The following XPR1 variants were observed in gnomAD, a reference collection of about 807,000 sequenced individuals.
The protein encoded by XPR1 is xenotropic and polytropic retrovirus receptor 1.
Under a neutral mutation model 87.5 loss-of-function variants are expected in XPR1, and 28 were observed. The ratio of observed to expected loss-of-function variants is 0.32; its 90% CI spans 0.24 to 0.44. XPR1 has a LOEUF of 0.44. XPR1 is among the 20% of genes least tolerant of loss of function. XPR1 has a pLI of 1.00. For synonymous variants in XPR1, 300 were observed against 306.1 expected (o/e 0.98, Z 0.21); for missense variants, 559 against 862.3 (o/e 0.65, Z 4.41).
intron 1 of XPR1, among the ~76,000 whole-genome samples, chr1:180,656,699 T>TTA (rs559625989): frequency 6.8e-4 from 89 of 131,056 alleles, no homozygotes; most frequent in South Asian, 2.0e-3. Flanking sequence ...TATATGTATT[T>TTA]TATATATATA....
At chr1:180,682,819 T>TGTGTGTGTGTGTGC (rs1333082592) in intron 2 of XPR1, among the ~76,000 whole-genome samples, 5 of 151,198 alleles carry the variant, frequency 3.3e-5, no homozygotes, top group African/African-American at 1.2e-4. Context: ...TTACAATGGA[T>TGTGTGTGTGTGTGC]GTGTGTGTGT....
chr1:180,854,086 G>C (rs185077955), intron 11 of XPR1, among the ~76,000 whole-genome samples: 1 of 152,164 alleles, frequency 6.6e-6, no homozygotes, highest in Non-Finnish European at 1.5e-5. Flanking sequence ...AAGTTTAATA[G>C]GGGTTTTGCT....
chr1:180,880,192 T>C lies in XPR1; in HGVS notation c.1925T>C (p.Leu642Pro). The change falls in exon 14 of 15, where the codon CTA becomes CCA. Residue 642 changes from leucine (L) to proline (P), a missense_variant. Physicochemically the swap from Leu to Pro is moderately conservative, Grantham distance 98 (BLOSUM62 -3). Around this residue, in one of 7 missense-constraint regions of XPR1, gnomAD observed 80 missense variants for 99.5 expected, o/e 0.80. Coordinates refer to ENST00000367590, the MANE Select transcript of XPR1 (RefSeq NM_004736.4). ...CTGAACGCAGATGATCAGACTCTCC[T>C]AGAACAGATGATGGACCAGGATGAT... ...APLNADDQTL[L>P]EQMMDQDDGV... 6.2e-7 allele frequency: 1 copy of C among 1,614,170 alleles called. No homozygotes were observed. Among genetic ancestry groups the C allele is most frequent in the East Asian group, 2.2e-5 (1 of 44,880 alleles).
At chr1:180,832,697 G>T (rs192546229) in intron 9 of XPR1, among the ~76,000 whole-genome samples, 113 of 152,228 alleles carry the variant, frequency 7.4e-4, no homozygotes, top group African/African-American at 2.6e-3. Flanking sequence ...TCAAATGGTT[G>T]TGGACGGTGT....
At chr1:180,668,168 G>T (rs2101927088) in intron 1 of XPR1, among the ~76,000 whole-genome samples, 1 of 113,304 alleles carries the variant, frequency 8.8e-6, no homozygotes, top group South Asian at 2.8e-4. Context: ...TTGCTCTGTT[G>T]CCTAGGCTGG....
intron 1 of XPR1, among the ~76,000 whole-genome samples, chr1:180,643,921 C>T (rs1655032262): frequency 6.6e-6 from 1 of 152,064 alleles, no homozygotes; most frequent in Non-Finnish European, 1.5e-5. Context: ...GCCAAGAAGC[C>T]TCTTAGAATG....
At chr1:180,837,980 T>G (rs370423595) in intron 11 of XPR1, among the ~76,000 whole-genome samples, 2 of 152,192 alleles carry the variant, frequency 1.3e-5, no homozygotes, top group African/African-American at 2.4e-5. Context: ...ATAATATACC[T>G]TTAACTGCAG....
chr1:180,656,458 T>A (rs1329465903), intron 1 of XPR1, among the ~76,000 whole-genome samples: 1 of 64,214 alleles, frequency 1.6e-5, no homozygotes, highest in Admixed American at 2.7e-4. Flanking sequence ...TTTATATATT[T>A]ATATATAATA....
intron 1 of XPR1, among the ~76,000 whole-genome samples, chr1:180,669,160 A>G (rs2101928297): frequency 6.6e-6 from 1 of 151,972 alleles, no homozygotes. Context: ...TGGAAAATGT[A>G]CCACATGCAC....
chr1:180,703,795 A>G (rs146203602), intron 2 of XPR1, among the ~76,000 whole-genome samples: 1 of 152,308 alleles, frequency 6.6e-6, no homozygotes, highest in Non-Finnish European at 1.5e-5. Context: ...CACTAGCCAT[A>G]TGTAGCTATT....
intron 2 of XPR1, among the ~76,000 whole-genome samples, chr1:180,718,571 A>G (rs1298929328): frequency 2.0e-5 from 3 of 152,164 alleles, no homozygotes; most frequent in Non-Finnish European, 4.4e-5. Context: ...GTGGTTGCAC[A>G]TTAGAATCAC....
At chr1:180,807,761 T>C (rs1263228318) in intron 6 of XPR1, among the ~76,000 whole-genome samples, 1 of 152,130 alleles carries the variant, frequency 6.6e-6, no homozygotes, top group Non-Finnish European at 1.5e-5. Flanking sequence ...TCCCAGAAAT[T>C]TGGGAGGCTG....
At chr1:180,807,606 A>G (rs946359345) in intron 6 of XPR1, among the ~76,000 whole-genome samples, 4 of 152,248 alleles carry the variant, frequency 2.6e-5, no homozygotes, top group Non-Finnish European at 5.9e-5. Context: ...CACACCCAGT[A>G]TTTTAAAGAT....
chr1:180,633,640 C>G (rs187243633), intron 1 of XPR1, among the ~76,000 whole-genome samples: 235 of 152,320 alleles, frequency 1.5e-3, no homozygotes, highest in South Asian at 2.7e-3. Flanking sequence ...ATTATTAATG[C>G]TTTATTGTCA....
At chr1:180,847,289 G>A (rs1651717621) in intron 11 of XPR1, among the ~76,000 whole-genome samples, 1 of 152,138 alleles carries the variant, frequency 6.6e-6, no homozygotes, top group African/African-American at 2.4e-5. Flanking sequence ...TTTTAAATCT[G>A]TCATTAAACT....
intron 11 of XPR1, among the ~76,000 whole-genome samples, chr1:180,859,494 C>T (rs1571900728): frequency 6.6e-6 from 1 of 151,930 alleles, no homozygotes; most frequent in Non-Finnish European, 1.5e-5. Flanking sequence ...TAATTGCTTG[C>T]CTAAAGTGAT....
At chr1:180,817,665 A>G (rs1650460195) in intron 7 of XPR1, among the ~76,000 whole-genome samples, 1 of 152,232 alleles carries the variant, frequency 6.6e-6, no homozygotes, top group African/African-American at 2.4e-5. Flanking sequence ...TACATACAAG[A>G]ACATGATGGC....
At chr1:180,733,537 A>T (rs781307143) in intron 2 of XPR1, among the ~76,000 whole-genome samples, 1 of 152,218 alleles carries the variant, frequency 6.6e-6, no homozygotes, top group African/African-American at 2.4e-5. Context: ...GAGAAAGGGG[A>T]TAAGAGATAT....
chr1:180,754,172 A>G (rs1647636648), intron 2 of XPR1, among the ~76,000 whole-genome samples: 1 of 152,156 alleles, frequency 6.6e-6, no homozygotes, highest in African/African-American at 2.4e-5. Flanking sequence ...CTTCTGATAG[A>G]ATGTCAGTTT....
Sources: gnomAD v4.1 joint callset for allele counts (sites outside exome capture counted in the v4.1 genomes callset) on GRCh38, gnomAD v4.1.1 for gene constraint, gnomAD v4.1.1 regional missense constraint, MANE v1.5 for transcripts, NCBI Gene and HGNC (gene_info 2026-07-23, HGNC 2026-07-21) for gene names.